The following TMOD3 variants were observed in gnomAD, a reference collection of about 807,000 sequenced individuals.
TMOD3 encodes the protein tropomodulin-3.
A neutral mutation model predicts 39.2 loss-of-function variants in TMOD3; 20 were observed. The ratio of observed to expected loss-of-function variants is 0.51; its 90% CI spans 0.36 to 0.74. The LOEUF is 0.74. Ranked by LOEUF, TMOD3 falls within the 30% of genes least tolerant of loss-of-function variation. The pLI, the probability that TMOD3 is intolerant of heterozygous loss-of-function variation, is 0.00. For missense variants in TMOD3, 381 were observed against 412.8 expected (o/e 0.92, Z 0.67); for synonymous variants, 143 against 145.8 (o/e 0.98, Z 0.14).
At chr15:51,873,078 C>T (rs2056484004) in intron 3 of TMOD3, among the ~76,000 whole-genome samples, 1 of 152,190 alleles carries the variant, frequency 6.6e-6, no homozygotes, top group African/African-American at 2.4e-5. Flanking sequence ...TTCTGAAATC[C>T]ACCCTAGACT....
chr15:51,839,713 A>G (rs2056304308), intron 1 of TMOD3, among the ~76,000 whole-genome samples: 1 of 152,132 alleles, frequency 6.6e-6, no homozygotes, highest in Non-Finnish European at 1.5e-5. Context: ...ACACCTGGCT[A>G]ATTTTTCTAG....
Position 51,862,995 on chromosome 15 carries a change from T to G in TMOD3, c.111T>G (p.Asp37Glu). The change falls in exon 2 of 10, where the codon GAT (aspartate) becomes GAG (glutamate). Residue 37 changes from aspartate to glutamate, a missense_variant. Transcript: ENST00000308580. ...TGAAACAACTGGAAACTGTTTTGGA[T>G]GATCTTGACCCCGAGGTAGGTGCTA... Reference protein sequence around the residue: ...TELKQLETVLDDLDPENALLP... With the variant: ...TELKQLETVLEDLDPENALLP... 1 of 1,613,466 alleles carries G rather than the reference T, an allele frequency of 6.2e-7. No individual in the cohort carries two copies. The highest frequency in any genetic ancestry group is 8.5e-7 in the Non-Finnish European group (1 of 1,179,676).
At chr15:51,881,102 T>C (rs12591672) in intron 3 of TMOD3, among the ~76,000 whole-genome samples, 55,051 of 152,084 alleles carry the variant, frequency 0.36, 10,417 homozygotes, top group Middle Eastern at 0.43. Context: ...GACTCGTGTA[T>C]ATTTGTTTGC....
chr15:51,904,368 TA>T (rs1342731222), intron 9 of TMOD3, among the ~76,000 whole-genome samples: 1 of 152,224 alleles, frequency 6.6e-6, no homozygotes, highest in Non-Finnish European at 1.5e-5. Context: ...CCAACTCTTT[TA>T]AAACCATGCC....
At chr15:51,855,885 G>C (rs189768225) in intron 1 of TMOD3, among the ~76,000 whole-genome samples, 2 of 152,300 alleles carry the variant, frequency 1.3e-5, no homozygotes, top group Admixed American at 6.5e-5. Flanking sequence ...GTATACAAAT[G>C]TTCCTCAATA....
In TMOD3 at chr15:51,869,333, A is replaced by C; in HGVS notation, c.243A>C (p.Lys81Asn). 6.2e-7 allele frequency: 1 copy of C among 1,614,152 alleles called. No homozygotes were observed. The change falls in exon 3 of 10, where the codon AAA (lysine) becomes AAC (asparagine). Residue 81 changes from lysine to asparagine, a missense_variant. Transcript: ENST00000308580. ...SYLEKEALEH[K>N]DREDYVPYTG... ...TGGAGAAAGAAGCATTGGAGCATAAAGACAGGGAAGACTATGTGCCCTACA... is the reference window on the plus strand; with the variant it reads ...TGGAGAAAGAAGCATTGGAGCATAACGACAGGGAAGACTATGTGCCCTACA...
rs2056697077 is a variant in TMOD3 at position 51,909,009 on chromosome 15, C to T, written c.*199C>T. 5.0e-6 allele frequency: 2 copies of T among 398,656 alleles called. No individual in the cohort carries two copies. Among genetic ancestry groups the T allele is most frequent in the African/African-American group, 4.1e-5 (2 of 48,248 alleles). The allele number at this position is 398,656 out of a possible 1,614,324, so 24.7% of individuals were successfully genotyped here. A position where few individuals can be genotyped will look rare whatever the true frequency, so the allele number is the denominator to read the frequency against. On this transcript the variant is annotated 3_prime_UTR_variant, in exon 10 of 10. Transcript: ENST00000308580. ...TATTCTGAAACATTTCTACTTTCTG[C>T]TAAAATCAATTTTAATTTAGTTTAA...
At chr15:51,859,019 A>AT (rs2056402540) in intron 1 of TMOD3, among the ~76,000 whole-genome samples, 2 of 152,200 alleles carry the variant, frequency 1.3e-5, no homozygotes, top group Non-Finnish European at 2.9e-5. Context: ...CTTTTTTTAA[A>AT]TTTTTTAAAA....
At chr15:51,899,705 A>G (rs549062724) in intron 7 of TMOD3, among the ~76,000 whole-genome samples, 1 of 152,200 alleles carries the variant, frequency 6.6e-6, no homozygotes, top group East Asian at 1.9e-4. Flanking sequence ...ACAGTCATCC[A>G]TGGGTTCAAC....
At chr15:51,842,679 A>G (rs1274459974) in intron 1 of TMOD3, among the ~76,000 whole-genome samples, 1 of 152,202 alleles carries the variant, frequency 6.6e-6, no homozygotes, top group Non-Finnish European at 1.5e-5. Flanking sequence ...TTGCCCTACT[A>G]TTGACTGAGT....
chr15:51,905,976 A>G (rs868050909), intron 9 of TMOD3, among the ~76,000 whole-genome samples: 4,076 of 148,476 alleles, frequency 0.027, 94 homozygotes, highest in Middle Eastern at 0.077. Context: ...AAAAAAAAAA[A>G]AAAAGAAATT....
chr15:51,873,123 A>C (rs1458599523), intron 3 of TMOD3, among the ~76,000 whole-genome samples: 1 of 152,200 alleles, frequency 6.6e-6, no homozygotes, highest in Non-Finnish European at 1.5e-5. Flanking sequence ...AGTTATCCTT[A>C]GTCACGAATA....
chr15:51,895,340 C>T (rs1227940804), intron 6 of TMOD3, among the ~76,000 whole-genome samples: 1 of 151,918 alleles, frequency 6.6e-6, no homozygotes, highest in Admixed American at 6.6e-5. Flanking sequence ...GTGTCTCAGC[C>T]TCCTGAATAC....
At chr15:51,849,809 C>T (rs1037280457) in intron 1 of TMOD3, among the ~76,000 whole-genome samples, 1 of 152,092 alleles carries the variant, frequency 6.6e-6, no homozygotes, top group Non-Finnish European at 1.5e-5. Context: ...TGGCTCACAC[C>T]TGTAATCCCA....
chr15:51,889,559 A>G (rs1280826091), intron 5 of TMOD3, among the ~76,000 whole-genome samples: 1 of 152,206 alleles, frequency 6.6e-6, no homozygotes, highest in African/African-American at 2.4e-5. Context: ...TATATAGCCT[A>G]AAGCAAAGCT....
chr15:51,860,071 G>A (rs12902930), intron 1 of TMOD3: 110,398 of 515,320 alleles, frequency 0.21, 13,026 homozygotes, highest in East Asian at 0.26. Flanking sequence ...CCTCCTTCTG[G>A]CCCTCCTCTG....
intron 9 of TMOD3, among the ~76,000 whole-genome samples, chr15:51,903,133 A>G (rs1450446226): frequency 6.6e-6 from 1 of 152,188 alleles, no homozygotes; most frequent in African/African-American, 2.4e-5. Flanking sequence ...TCGTCTTCCT[A>G]AAAGGACTGT....
At chr15:51,835,525 C>T (rs1485366259) in intron 1 of TMOD3, among the ~76,000 whole-genome samples, 1 of 152,122 alleles carries the variant, frequency 6.6e-6, no homozygotes, top group Non-Finnish European at 1.5e-5. Context: ...CCCAGGCTGT[C>T]CTTGAACTCC....
chr15:51,847,406 T>G (rs2056341197), intron 1 of TMOD3, among the ~76,000 whole-genome samples: 1 of 152,216 alleles, frequency 6.6e-6, no homozygotes, highest in African/African-American at 2.4e-5. Flanking sequence ...GGTTGATTAG[T>G]TTCCATGGGA....
Sources: gnomAD v4.1 joint callset for allele counts (sites outside exome capture counted in the v4.1 genomes callset) on GRCh38, gnomAD v4.1.1 for gene constraint, MANE v1.5 for transcripts, NCBI Gene and HGNC (gene_info 2026-07-23, HGNC 2026-07-21) for gene names.